The following NEURL1 variants were observed in gnomAD, a reference collection of about 807,000 sequenced individuals.
NEURL1 encodes the protein neuralized E3 ubiquitin protein ligase 1.
A neutral mutation model predicts 41.2 loss-of-function variants in NEURL1; 26 were observed. The ratio of observed to expected loss-of-function variants is 0.63; its 90% confidence interval spans 0.46 to 0.87. The LOEUF (loss-of-function observed/expected upper bound fraction) is 0.87. NEURL1 is among the 40% of genes least tolerant of loss of function. The probability of loss-of-function intolerance (pLI) is 0.00; values close to 1 mark genes in which losing one functional copy is unlikely to be tolerated. For missense variants in NEURL1, 761 were observed against 871.1 expected, an observed-to-expected ratio of 0.87 and a Z score of 1.59; for synonymous variants, 400 against 402.3, an observed-to-expected ratio of 0.99 and a Z score of 0.07.
chr10:103,552,329 T>G lies in NEURL1; in HGVS notation c.86-18543T>G, dbSNP rs568592148. ...CCTCAAGACCCTCCTGGTGTATCCC[T>G]GACCCATCCTGGCTCGGCAATGGAG... On this transcript the variant is annotated intron_variant, in intron 1 of 5. Transcript: ENST00000369780. Among the ~76,000 whole-genome samples, 3 of 152,340 alleles carry G rather than the reference T, an allele frequency of 2.0e-5. No homozygotes were observed. The East Asian group carries it at 5.8e-4, about 29-fold the overall frequency.
intron 4 of NEURL1, among the ~76,000 whole-genome samples, chr10:103,587,082 A>C (rs2035939626): frequency 6.6e-6 from 1 of 152,082 alleles, no homozygotes; most frequent in African/African-American, 2.4e-5. Flanking sequence ...AAGAAAGAGA[A>C]AGAGAAAAAT....
intron 1 of NEURL1, among the ~76,000 whole-genome samples, chr10:103,531,624 C>G (rs915972369): frequency 6.6e-6 from 1 of 151,806 alleles, no homozygotes; most frequent in Non-Finnish European, 1.5e-5. Context: ...CCTCAAACTC[C>G]TTGGGCTCAA....
Position 103,585,149 on chromosome 10 carries a change from G to A in NEURL1, c.1263G>A (p.Gln421=). 1 of 1,592,726 alleles carries A rather than the reference G, an allele frequency of 6.3e-7. No individual in the cohort carries two copies. Among genetic ancestry groups the A allele is most frequent in the Non-Finnish European group, 8.5e-7 (1 of 1,176,192 alleles). Reference sequence around the variant, plus strand: ...ACAATGGCGCGGCCGCCGGCATGCAGCTGTGCGTGGACGCCTCGCAGCCGC... The same window carrying A: ...ACAATGGCGCGGCCGCCGGCATGCAACTGTGCGTGGACGCCTCGCAGCCGC... ...LSHNGAAAGM[Q]LCVDASQPLW... is the part of the protein sequence containing the mutation. Residue 421 remains glutamine (Q), a synonymous_variant, in exon 4 of 6, where the codon CAG becomes CAA. Transcript: ENST00000369780.
rs547389518 is a variant in NEURL1, at chr10:103,495,576, TC to T, written c.85+1105del. On this transcript the variant is annotated intron_variant, in intron 1 of 5. Coordinates refer to ENST00000369780, the MANE Select transcript of NEURL1 (RefSeq NM_004210.5). ...TCAGGTTCCCAAAGCCAGCCAGACC[TC>T]GGCGCTAGGTGCTAGGCTGTAGACC... 8.5e-5 allele frequency among the ~76,000 whole-genome samples: 13 copies of T among 152,276 alleles called. No individual in the cohort carries two copies. In the South Asian group the frequency reaches 2.5e-3, roughly 29 times the overall value.
At chr10:103,525,316 G>GT (rs2034437003) in intron 1 of NEURL1, among the ~76,000 whole-genome samples, 1 of 148,500 alleles carries the variant, frequency 6.7e-6, no homozygotes, top group African/African-American at 2.5e-5. Flanking sequence ...AGTTCTCAGA[G>GT]TTTTTTTGGT....
chr10:103,552,246 C>G (rs531952434), intron 1 of NEURL1, among the ~76,000 whole-genome samples: 2 of 152,290 alleles, frequency 1.3e-5, no homozygotes, highest in East Asian at 3.9e-4. Flanking sequence ...TCTGTTGCCT[C>G]CCTGCTGCAG....
chr10:103,500,701 A>G (rs1422470433), intron 1 of NEURL1, among the ~76,000 whole-genome samples: 1 of 152,158 alleles, frequency 6.6e-6, no homozygotes, highest in Non-Finnish European at 1.5e-5. Context: ...GACACTTTGG[A>G]GGAAACTTGT....
chr10:103,530,184 C>T (rs1259405098), intron 1 of NEURL1, among the ~76,000 whole-genome samples: 1 of 151,974 alleles, frequency 6.6e-6, no homozygotes, highest in East Asian at 1.9e-4. Context: ...TCTTTAGTCT[C>T]AATTTATTTT....
intron 1 of NEURL1, among the ~76,000 whole-genome samples, chr10:103,507,525 C>A (rs1013171286): frequency 1.3e-5 from 2 of 152,084 alleles, no homozygotes; most frequent in African/African-American, 4.8e-5. Context: ...GGAGAGGGAG[C>A]TGTTGGGGAG....
chr10:103,553,392 C>A (rs2035075911), intron 1 of NEURL1, among the ~76,000 whole-genome samples: 1 of 152,118 alleles, frequency 6.6e-6, no homozygotes, highest in Admixed American at 6.5e-5. Flanking sequence ...GGTATGTGTG[C>A]CAGGAAGTGT....
At chr10:103,585,646 A>G (rs895992095) in intron 4 of NEURL1, among the ~76,000 whole-genome samples, 4 of 152,106 alleles carry the variant, frequency 2.6e-5, no homozygotes, top group African/African-American at 7.2e-5. Flanking sequence ...CATCCTGGCT[A>G]ACACGGTGAA....
At chr10:103,586,197 G>A (rs2035920618) in intron 4 of NEURL1, among the ~76,000 whole-genome samples, 1 of 152,188 alleles carries the variant, frequency 6.6e-6, no homozygotes, top group Non-Finnish European at 1.5e-5. Context: ...TAAGGAGACG[G>A]TGATGGTGGT....
chr10:103,537,501 T>A (rs1399258090), intron 1 of NEURL1, among the ~76,000 whole-genome samples: 3 of 152,004 alleles, frequency 2.0e-5, no homozygotes, highest in Non-Finnish European at 2.9e-5. Context: ...TCAGGTGATC[T>A]TCCTACCTCA....
At chr10:103,534,156 A>G (rs907661515) in intron 1 of NEURL1, among the ~76,000 whole-genome samples, 2 of 139,464 alleles carry the variant, frequency 1.4e-5, no homozygotes, top group Admixed American at 1.4e-4. Flanking sequence ...TGTTTTCTTG[A>G]TTTTTATCAG....
In NEURL1 at chr10:103,571,841, G is replaced by A. The variant is rs1195169095; in HGVS notation, c.649+19G>A. ...CTGCTTGGTGAGTGCCTGCCCCTCCGGCCCCTTGGTGCAGGGGACACCCCT... is the reference window on the plus strand; with the variant it reads ...CTGCTTGGTGAGTGCCTGCCCCTCCAGCCCCTTGGTGCAGGGGACACCCCT... On this transcript the variant is annotated intron_variant, in intron 3 of 5. Coordinates refer to ENST00000369780, the MANE Select transcript of NEURL1 (RefSeq NM_004210.5). 10 of 1,578,360 alleles carry A rather than the reference G, an allele frequency of 6.3e-6. No individual in the cohort carries two copies. The East Asian group carries it at 1.1e-4, about 18-fold the overall frequency.
chr10:103,571,453 A>G (rs1242312753), intron 2 of NEURL1, 48 bp from the exon 3 acceptor site: 2 of 1,544,332 alleles, frequency 1.3e-6, no homozygotes, highest in East Asian at 4.6e-5. Flanking sequence ...CCTTGGTCTG[A>G]TTGACCAAGT....
intron 3 of NEURL1, among the ~76,000 whole-genome samples, chr10:103,579,490 A>T (rs1421844847): frequency 6.6e-6 from 1 of 152,196 alleles, no homozygotes; most frequent in Admixed American, 6.5e-5. Context: ...GGGAATAGGT[A>T]GCCTTGGGAG....
Position 103,569,696 on chromosome 10 carries a change from G to A in NEURL1, c.86-1176G>A, listed in dbSNP as rs145292794. Among the ~76,000 whole-genome samples, 46 of 152,288 alleles carry A rather than the reference G, an allele frequency of 3.0e-4. No homozygotes were observed. In the East Asian group the frequency reaches 8.7e-3, roughly 29 times the overall value. ...CATTTCCAGCCCTCATAGCCTGACC[G>A]CTTCCAAAGCTCTTGCGCTGCCCAG... On this transcript the variant is annotated intron_variant, in intron 1 of 5. Transcript: ENST00000369780.
At position 103,585,172 on chromosome 10, in the gene NEURL1, C is replaced by A. The variant is rs768571360; in HGVS notation, c.1286C>A (p.Pro429Gln). 1.3e-6 allele frequency: 2 copies of A among 1,588,102 alleles called. No individual in the cohort carries two copies. The highest frequency in any genetic ancestry group is 1.7e-6 in the Non-Finnish European group (2 of 1,172,458). ...GMQLCVDASQ[P>Q]LWMLFGLHGT... is the part of the protein sequence containing the mutation. ...CAGCTGTGCGTGGACGCCTCGCAGC[C>A]GCTTTGGATGCTCTTCGGCCTGCAC... Residue 429 changes from proline to glutamine, a missense_variant, in exon 4 of 6, where the codon CCG becomes CAG. Physicochemically the swap from Pro to Gln is moderately conservative, Grantham distance 76. This residue lies in a region of NEURL1 where 443 missense variants were observed against 408.1 expected (regional missense o/e 1.09). Coordinates refer to ENST00000369780, the MANE Select transcript of NEURL1 (RefSeq NM_004210.5).
Sources: allele counts gnomAD v4.1 joint callset (sites outside exome capture counted in the v4.1 genomes callset), GRCh38; gene constraint gnomAD v4.1.1; regional missense constraint gnomAD v4.1.1; transcripts MANE v1.5; gene names NCBI Gene and HGNC (gene_info 2026-07-23, HGNC 2026-07-21).